Variants in SORCS1 observed in about 807,000 individuals in gnomAD.
SORCS1 encodes sortilin related VPS10 domain containing receptor 1.
Under a neutral mutation model 146.1 loss-of-function variants are expected in SORCS1, and 60 were observed. That is an observed-to-expected ratio of 0.41 (90% CI 0.33 to 0.51). The LOEUF is 0.51. SORCS1 is among the 20% of genes least tolerant of loss of function. The probability of loss-of-function intolerance (pLI) is 0.21; values close to 1 mark genes in which losing one functional copy is unlikely to be tolerated. For synonymous variants in SORCS1, 637 were observed against 584.0 expected, an observed-to-expected ratio of 1.09 and a Z score of -1.31; for missense variants, 1,352 against 1,487.6, an observed-to-expected ratio of 0.91 and a Z score of 1.50.
chr10:106,956,277 T>C (rs1027052262), intron 2 of SORCS1, among the ~76,000 whole-genome samples: 3 of 152,110 alleles, frequency 2.0e-5, no homozygotes, highest in Non-Finnish European at 2.9e-5. Context: ...CAACCTATCA[T>C]ACAGGTTAGC....
In SORCS1 at chr10:107,123,077, C is replaced by CAAAAAAAAAAAAAAAAAAAAAAAAAAAA. The variant is rs35115429; in HGVS notation, c.558+40891_558+40892insTTTTTTTTTTTTTTTTTTTTTTTTTTTT. Among the ~76,000 whole-genome samples the CAAAAAAAAAAAAAAAAAAAAAAAAAAAA allele has an allele frequency of 2.5e-5, 2 of 79,136 alleles. 1 individual carries two copies. Among genetic ancestry groups the CAAAAAAAAAAAAAAAAAAAAAAAAAAAA allele is most frequent in the African/African-American group, 7.7e-5 (2 of 25,896 alleles). The allele number at this position is 79,136 out of a possible 152,430, so 51.9% of individuals were successfully genotyped here. On this transcript the variant is annotated intron_variant, in intron 1 of 25. Transcript: ENST00000263054. ...AAATCATGAGGCAAAGACAAACTGG[C>CAAAAAAAAAAAAAAAAAAAAAAAAAAAA]AAAAAAAAAAAAAAAAAAGGAAGAA... is the stretch of plus-strand genomic sequence containing the variant.
intron 2 of SORCS1, among the ~76,000 whole-genome samples, chr10:106,910,282 A>AC (rs1952083171): frequency 9.9e-6 from 1 of 101,316 alleles, no homozygotes; most frequent in Non-Finnish European, 2.1e-5. Context: ...GTCTCTTTAC[A>AC]TTGTGTGTGT....
chr10:106,685,814 T>C (rs532495039), intron 10 of SORCS1, among the ~76,000 whole-genome samples: 1 of 152,288 alleles, frequency 6.6e-6, no homozygotes, highest in African/African-American at 2.4e-5. Context: ...TTAGAAGGTT[T>C]AAGGAAAGAA....
chr10:106,994,211 C>T (rs2139527112), intron 1 of SORCS1, among the ~76,000 whole-genome samples: 1 of 152,240 alleles, frequency 6.6e-6, no homozygotes, highest in South Asian at 2.1e-4. Flanking sequence ...AGGAAACCTG[C>T]ATGATACTGA....
At position 106,576,956 on chromosome 10, in the gene SORCS1, C is replaced by G; in HGVS notation, c.*464G>C. ...GTTATGAATTTTCTACAAACACGACCGATCAGAAAAAAGAGAGAGAAGAAG... is the reference window on the plus strand; with the variant it reads ...GTTATGAATTTTCTACAAACACGACGGATCAGAAAAAAGAGAGAGAAGAAG... On this transcript the variant is annotated 3_prime_UTR_variant, in exon 26 of 26. Coordinates refer to ENST00000263054, the MANE Select transcript of SORCS1 (RefSeq NM_052918.5). The G allele has an allele frequency of 4.0e-6, 1 of 249,566 alleles. No homozygotes were observed. Among genetic ancestry groups the G allele is most frequent in the South Asian group, 4.8e-5 (1 of 20,730 alleles). 15.5% of individuals were successfully genotyped at this position (249,566 alleles called of 1,614,324 possible).
At chr10:107,064,116 G>C (rs1189002326) in intron 1 of SORCS1, among the ~76,000 whole-genome samples, 2 of 152,070 alleles carry the variant, frequency 1.3e-5, no homozygotes, top group Admixed American at 1.3e-4. Flanking sequence ...GCAATCTGTG[G>C]TTTTCAATTT....
At chr10:107,040,073 T>G (rs1056847404) in intron 1 of SORCS1, among the ~76,000 whole-genome samples, 1 of 152,056 alleles carries the variant, frequency 6.6e-6, no homozygotes, top group African/African-American at 2.4e-5. Context: ...TAAAAATAAA[T>G]AAGTAACCAC....
At chr10:107,110,345 A>C (rs1965608680) in intron 1 of SORCS1, among the ~76,000 whole-genome samples, 1 of 152,234 alleles carries the variant, frequency 6.6e-6, no homozygotes, top group Non-Finnish European at 1.5e-5. Flanking sequence ...TAAATAAAAA[A>C]GGTTTAATTG....
intron 9 of SORCS1, among the ~76,000 whole-genome samples, chr10:106,689,420 G>C (rs745811998): frequency 1.3e-5 from 2 of 152,094 alleles, no homozygotes; most frequent in East Asian, 3.9e-4. Context: ...AATAACCATG[G>C]AATAATTATC....
At chr10:107,038,067 C>T (rs1458611731) in intron 1 of SORCS1, among the ~76,000 whole-genome samples, 2 of 152,110 alleles carry the variant, frequency 1.3e-5, no homozygotes, top group East Asian at 3.9e-4. Context: ...AGGTGATCTG[C>T]CCGCCTCAGC....
chr10:107,091,626 T>G (rs1211669390), intron 1 of SORCS1, among the ~76,000 whole-genome samples: 1 of 152,154 alleles, frequency 6.6e-6, no homozygotes, highest in Non-Finnish European at 1.5e-5. Context: ...GCTGCTACAT[T>G]AAGGATCCAG....
chr10:106,866,543 G>A (rs146906467), intron 2 of SORCS1, among the ~76,000 whole-genome samples: 146 of 152,280 alleles, frequency 9.6e-4, no homozygotes, highest in African/African-American at 3.3e-3. Context: ...GAGCTGCAGT[G>A]GGCAGCCCAA....
chr10:106,782,304 C>T (rs963130644), intron 3 of SORCS1, among the ~76,000 whole-genome samples: 4 of 152,282 alleles, frequency 2.6e-5, no homozygotes, highest in South Asian at 4.1e-4. Flanking sequence ...CTTGCTCTGT[C>T]GCCCCGGCTG....
intron 1 of SORCS1, among the ~76,000 whole-genome samples, chr10:106,985,829 C>T (rs1200924774): frequency 6.6e-6 from 1 of 152,076 alleles, no homozygotes; most frequent in African/African-American, 2.4e-5. Flanking sequence ...GCCACCGAGC[C>T]TGGACTCATT....
chr10:107,018,620 T>C (rs1328445996), intron 1 of SORCS1, among the ~76,000 whole-genome samples: 8 of 152,028 alleles, frequency 5.3e-5, no homozygotes, highest in Non-Finnish European at 1.0e-4. Flanking sequence ...TGTTAATCAA[T>C]TTTTTTGTTA....
intron 1 of SORCS1, among the ~76,000 whole-genome samples, chr10:107,032,652 T>A (rs1485973909): frequency 6.6e-6 from 1 of 152,194 alleles, no homozygotes; most frequent in Non-Finnish European, 1.5e-5. Context: ...TATGTGGAGA[T>A]GTCTCCAGAA....
chr10:106,944,040 CTA>C (rs1954186264), intron 2 of SORCS1, among the ~76,000 whole-genome samples: 1 of 152,162 alleles, frequency 6.6e-6, no homozygotes, highest in Non-Finnish European at 1.5e-5. Flanking sequence ...CCCCCACACT[CTA>C]TATGTCATAC....
At chr10:107,091,714 A>G (rs866540844) in intron 1 of SORCS1, among the ~76,000 whole-genome samples, 66 of 152,252 alleles carry the variant, frequency 4.3e-4, no homozygotes, top group Middle Eastern at 3.4e-3. Context: ...AGATAGAGTA[A>G]CTGCTGGAGA....
intron 2 of SORCS1, among the ~76,000 whole-genome samples, chr10:106,952,369 G>T (rs1261957046): frequency 6.6e-6 from 1 of 151,914 alleles, no homozygotes; most frequent in Non-Finnish European, 1.5e-5. Context: ...GCAAGGCTGT[G>T]CTAGACAACT....
Sources: allele counts gnomAD v4.1 joint callset (sites outside exome capture counted in the v4.1 genomes callset), GRCh38; gene constraint gnomAD v4.1.1; transcripts MANE v1.5; gene names NCBI Gene and HGNC (gene_info 2026-07-23, HGNC 2026-07-21).